The following ZNF226 variants were observed in gnomAD, a reference collection of about 807,000 sequenced individuals.
The protein encoded by ZNF226 is zinc finger protein 226, also known as Kruppel-associated box protein.
ZNF226 carries 6 observed loss-of-function variants against 11.4 expected under a neutral mutation model. The ratio of observed to expected loss-of-function variants is 0.53; its 90% CI spans 0.29 to 1.04. ZNF226 has a LOEUF of 1.04. ZNF226 is among the 50% of genes least tolerant of loss of function. The pLI is 0.08. For missense variants in ZNF226, 1,058 were observed against 956.5 expected (o/e 1.11, Z -1.40); for synonymous variants, 350 against 322.8 (o/e 1.08, Z -0.90).
chr19:44,185,266 C>T, the ZNF226 span, among the ~76,000 whole-genome samples: 6 of 152,124 alleles, frequency 3.9e-5, no homozygotes, highest in Non-Finnish European at 7.4e-5. Flanking sequence ...GATATATACC[C>T]GGAAGTGGGA....
In ZNF226 at chr19:44,176,346, C is replaced by A; in HGVS notation, c.1084C>A (p.Pro362Thr). Residue 362 changes from proline to threonine, a missense_variant, in exon 6 of 6, where the codon CCT becomes ACT. Coordinates refer to ENST00000337433, the MANE Select transcript of ZNF226 (RefSeq NM_001032373.2). The stretch of plus-strand genomic sequence containing the variant: ...TTGCAAGGTCCACACGGCAGAGAAA[C>A]CTTATAATTGTGAGGAGTGTGGGAG... Reference protein sequence around the residue: ...VHCKVHTAEKPYNCEECGRAF... With the variant: ...VHCKVHTAEKTYNCEECGRAF... The A allele has an allele frequency of 6.2e-7, 1 of 1,614,174 alleles. No individual in the cohort carries two copies. The highest frequency in any genetic ancestry group is 1.1e-5 in the South Asian group (1 of 91,082).
the ZNF226 span, among the ~76,000 whole-genome samples, chr19:44,196,852 GT>G: frequency 6.6e-6 from 1 of 152,070 alleles, no homozygotes; most frequent in Admixed American, 6.6e-5. Flanking sequence ...GTCTTCCCAT[GT>G]TTGTTTACCT....
chr19:44,174,565 T>C (rs1970505633), intron 5 of ZNF226: 1 of 153,754 alleles, frequency 6.5e-6, no homozygotes. Context: ...TATATGTATG[T>C]CTTTAGAAGG....
At chr19:44,182,122 A>G (rs1395557634), downstream of ZNF226, among the ~76,000 whole-genome samples, 2 of 152,202 alleles carry the variant, frequency 1.3e-5, no homozygotes, top group Admixed American at 6.5e-5. Flanking sequence ...AATAGTTTCA[A>G]CAGTTTTCTC....
the ZNF226 span, among the ~76,000 whole-genome samples, chr19:44,190,547 G>C: frequency 6.6e-6 from 1 of 152,054 alleles, no homozygotes; most frequent in Admixed American, 6.6e-5. Flanking sequence ...ATGTTGGCCA[G>C]GATGGTCTTG....
chr19:44,196,049 C>T, the ZNF226 span, among the ~76,000 whole-genome samples: 3 of 146,212 alleles, frequency 2.1e-5, no homozygotes, highest in South Asian at 4.2e-4. Context: ...TTTTTTTTTT[C>T]CCAGAAGGAA....
intron 3 of ZNF226, among the ~76,000 whole-genome samples, chr19:44,171,632 C>T (rs543947742): frequency 9.9e-5 from 15 of 152,102 alleles, no homozygotes; most frequent in Admixed American, 2.0e-4. Flanking sequence ...ACTAAAGATC[C>T]GGGATCAGTG....
At chr19:44,171,207 G>A (rs1970048862) in intron 3 of ZNF226, among the ~76,000 whole-genome samples, 2 of 152,016 alleles carry the variant, frequency 1.3e-5, no homozygotes, top group East Asian at 1.9e-4. Context: ...TTTAAAATCC[G>A]TAACATTAGG....
the ZNF226 span, among the ~76,000 whole-genome samples, chr19:44,195,559 A>C: frequency 1.8e-4 from 27 of 152,228 alleles, no homozygotes; most frequent in Admixed American, 7.2e-4. Context: ...GGAGGGTTAC[A>C]TGAGTTTTTT....
Position 44,177,522 on chromosome 19 carries a change from C to A in ZNF226, c.2260C>A (p.Pro754Thr). Residue 754 changes from proline (P) to threonine (T), a missense_variant, in exon 6 of 6, where the codon CCT becomes ACT. Transcript: ENST00000337433. ...SHQRVHTGEK[P>T]YKCEICGKSF... ...TCAGCGAGTTCACACTGGGGAGAAACCTTATAAATGTGAGATATGTGGTAA... is the reference window on the plus strand; with the variant it reads ...TCAGCGAGTTCACACTGGGGAGAAAACTTATAAATGTGAGATATGTGGTAA... The A allele has an allele frequency of 6.2e-7, 1 of 1,614,082 alleles. No individual in the cohort carries two copies. The highest frequency in any genetic ancestry group is 1.1e-5 in the South Asian group (1 of 91,084).
At position 44,170,053 on chromosome 19, in the gene ZNF226, T is replaced by C; in HGVS notation, c.-28T>C. ...TTCCTAGTTCAGCTTCTTAGGACTC[T>C]GCACTTCCCCAGAAGGAAGAATTAA... On this transcript the variant is annotated 5_prime_UTR_variant, in exon 3 of 6. Transcript: ENST00000337433. 1.2e-6 allele frequency: 2 copies of C among 1,607,638 alleles called. No homozygotes were observed. The highest frequency in any genetic ancestry group is 1.7e-6 in the Non-Finnish European group (2 of 1,176,508).
chr19:44,195,935 C>T, the ZNF226 span, among the ~76,000 whole-genome samples: 11 of 152,120 alleles, frequency 7.2e-5, no homozygotes, highest in South Asian at 4.1e-4. Context: ...CACCTAAAAC[C>T]GGACAGCTGG....
At chr19:44,173,106 C>T (rs902321053) in intron 5 of ZNF226, 154 bp downstream of exon 5, 5 of 649,808 alleles carry the variant, frequency 7.7e-6, no homozygotes, top group Non-Finnish European at 1.3e-5. Context: ...CCACCCCTCT[C>T]CTCTTACATT....
At chr19:44,179,224 G>A (rs549800770), downstream of ZNF226, among the ~76,000 whole-genome samples, 2 of 152,194 alleles carry the variant, frequency 1.3e-5, 1 homozygote, top group Admixed American at 1.3e-4. Flanking sequence ...CCATGTGAGT[G>A]AATAGTGCAT....
downstream of ZNF226, among the ~76,000 whole-genome samples, chr19:44,182,757 T>C (rs1400871741): frequency 6.6e-6 from 1 of 152,194 alleles, no homozygotes; most frequent in African/African-American, 2.4e-5. Flanking sequence ...GGAGGCACTT[T>C]ACTGGTAGAG....
Position 44,177,139 on chromosome 19 carries a change from A to C in ZNF226, c.1877A>C (p.Gln626Pro), listed in dbSNP as rs749927779. The change falls in exon 6 of 6, where the codon CAG becomes CCG. Residue 626 changes from glutamine (Q) to proline (P), a missense_variant. Physicochemically the swap from Gln to Pro is moderately conservative, Grantham distance 76 (BLOSUM62 -1). Coordinates refer to ENST00000337433, the MANE Select transcript of ZNF226 (RefSeq NM_001032373.2). ...GAGGAGTGTGGGAAGGTCTTCAGGCAGGCCTCAAATCTTTTGGCCCATCAG... is the reference window on the plus strand; with the variant it reads ...GAGGAGTGTGGGAAGGTCTTCAGGCCGGCCTCAAATCTTTTGGCCCATCAG... ...NCEECGKVFRQASNLLAHQRV... is the reference protein window; with the variant it reads ...NCEECGKVFRPASNLLAHQRV... 1.2e-6 allele frequency: 2 copies of C among 1,612,350 alleles called. No individual in the cohort carries two copies. Among genetic ancestry groups the C allele is most frequent in the South Asian group, 2.2e-5 (2 of 90,988 alleles).
the ZNF226 span, among the ~76,000 whole-genome samples, chr19:44,188,342 G>T: frequency 6.6e-6 from 1 of 152,138 alleles, no homozygotes; most frequent in Non-Finnish European, 1.5e-5. Flanking sequence ...CTCTGTATCT[G>T]CAGGTTCTGC....
intron 2 of ZNF226, 31 bp from the exon 3 acceptor site, chr19:44,170,004 A>G: frequency 1.3e-6 from 2 of 1,501,564 alleles, no homozygotes; most frequent in Non-Finnish European, 1.8e-6. Context: ...ATACTTACCC[A>G]GTTTTGATTT....
Position 44,177,272 on chromosome 19 carries a change from A to G in ZNF226, c.2010A>G (p.Pro670=). 1 of 1,613,990 alleles carries G rather than the reference A, an allele frequency of 6.2e-7. No homozygotes were observed. Among genetic ancestry groups the G allele is most frequent in the South Asian group, 1.1e-5 (1 of 91,064 alleles). ...AAAAAGTCCACACTGGAGATAAGCCATACAAATGTGATGAGTGTGGGAAGG... is the reference window on the plus strand; with the variant it reads ...AAAAAGTCCACACTGGAGATAAGCCGTACAAATGTGATGAGTGTGGGAAGG... The part of the protein sequence containing the change: ...AHQKVHTGDK[P]YKCDECGKGF... The change falls in exon 6 of 6, where the codon CCA becomes CCG. Residue 670 remains proline (P), a synonymous_variant. Transcript: ENST00000337433.
Sources: gnomAD v4.1 joint callset for allele counts (sites outside exome capture counted in the v4.1 genomes callset) on GRCh38, gnomAD v4.1.1 for gene constraint, MANE v1.5 for transcripts, NCBI Gene and HGNC (gene_info 2026-07-23, HGNC 2026-07-21) for gene names.